The following RAVER2 variants were observed in gnomAD, a reference collection of about 807,000 sequenced individuals.
RAVER2 encodes the protein ribonucleoprotein PTB-binding 2.
RAVER2 carries 46 observed loss-of-function variants against 78.1 expected under a neutral mutation model. The ratio of observed to expected loss-of-function variants is 0.59; its 90% confidence interval spans 0.46 to 0.75. RAVER2 has a LOEUF of 0.75. Among genes scored for constraint, RAVER2 ranks in the 30% least tolerant of loss-of-function variants. The pLI is 0.00. For synonymous variants in RAVER2, 311 were observed against 313.3 expected, an observed-to-expected ratio of 0.99 and a Z score of 0.08; for missense variants, 793 against 837.5, an observed-to-expected ratio of 0.95 and a Z score of 0.66.
At chr1:64,788,523 G>T (rs982468505) in intron 4 of RAVER2, among the ~76,000 whole-genome samples, 1 of 149,992 alleles carries the variant, frequency 6.7e-6, no homozygotes, top group African/African-American at 2.5e-5. Context: ...GTCAGTCGCG[G>T]TGGCTCACAC....
intron 7 of RAVER2, 50 bp downstream of exon 7, chr1:64,804,888 G>C: frequency 6.6e-7 from 1 of 1,504,854 alleles, no homozygotes; most frequent in Non-Finnish European, 9.2e-7. Context: ...TTCTTTTCTA[G>C]AATCAGGCTG....
intron 1 of RAVER2, among the ~76,000 whole-genome samples, chr1:64,754,961 C>T (rs979380565): frequency 6.6e-6 from 1 of 152,132 alleles, no homozygotes; most frequent in Non-Finnish European, 1.5e-5. Flanking sequence ...ATCAACCATG[C>T]GACTTCATGT....
At chr1:64,830,677 G>C (rs1654105242) in intron 11 of RAVER2, among the ~76,000 whole-genome samples, 162 bp from the exon 12 acceptor site, 1 of 152,202 alleles carries the variant, frequency 6.6e-6, no homozygotes, top group African/African-American at 2.4e-5. Context: ...AAATTTAAAA[G>C]TCTTATTTAA....
intron 1 of RAVER2, 148 bp from the exon 2 acceptor site, chr1:64,768,508 G>A: frequency 1.6e-6 from 1 of 609,424 alleles, no homozygotes; most frequent in Non-Finnish European, 2.9e-6. Flanking sequence ...TTTAATTTAA[G>A]TAAGTAATGG....
intron 5 of RAVER2, among the ~76,000 whole-genome samples, chr1:64,794,475 A>G (rs962841085): frequency 1.3e-5 from 2 of 150,288 alleles, no homozygotes; most frequent in Admixed American, 1.3e-4. Flanking sequence ...ATCAGTTTCT[A>G]GGGCTCCAGT....
At position 64,745,306 on chromosome 1, in the gene RAVER2, T is replaced by A; in HGVS notation, c.134T>A (p.Met45Lys). The change falls in exon 1 of 12, where the codon ATG (methionine) becomes AAG (lysine). Residue 45 changes from methionine to lysine, a missense_variant. Met to Lys is a moderately conservative substitution (Grantham distance 95). Transcript: ENST00000294428. This position sits in a 1 kb window ranked among gnomAD's most constrained non-coding sequence, Gnocchi z 4.3. ...GCGCACGAGGGCGCCCCGGACCCGA[T>A]GCCCGCCGCGCTGCACCCTGAGGAG... 6.6e-7 allele frequency: 1 copy of A among 1,505,604 alleles called. No individual in the cohort carries two copies. The highest frequency in any genetic ancestry group is 8.9e-7 in the Non-Finnish European group (1 of 1,125,134). The allele number at this position is 1,505,604 out of a possible 1,614,324, so 93.3% of individuals were successfully genotyped here.
intron 11 of RAVER2, among the ~76,000 whole-genome samples, chr1:64,828,530 A>G (rs886088109): frequency 4.6e-5 from 7 of 152,186 alleles, no homozygotes; most frequent in African/African-American, 1.7e-4. Flanking sequence ...CTTTCTTTCA[A>G]AATTTTAAAT....
At chr1:64,760,171 G>A (rs1651983099) in intron 1 of RAVER2, among the ~76,000 whole-genome samples, 1 of 151,968 alleles carries the variant, frequency 6.6e-6, no homozygotes, top group Non-Finnish European at 1.5e-5. Flanking sequence ...TTCAGTGGCT[G>A]GAGTCACATG....
At chr1:64,809,166 G>A (rs982753478) in intron 9 of RAVER2, among the ~76,000 whole-genome samples, 6 of 152,144 alleles carry the variant, frequency 3.9e-5, no homozygotes, top group Non-Finnish European at 4.4e-5. Context: ...GCAGATTTAG[G>A]TTTAATATAA....
intron 2 of RAVER2, among the ~76,000 whole-genome samples, chr1:64,775,351 C>T (rs75363075): frequency 0.037 from 5,627 of 152,282 alleles, 380 homozygotes; most frequent in East Asian, 0.31. Context: ...GGGGACACCA[C>T]ATTTGTAACT....
chr1:64,820,219 T>C (rs1051243855), intron 11 of RAVER2, among the ~76,000 whole-genome samples: 1 of 152,066 alleles, frequency 6.6e-6, no homozygotes, highest in Admixed American at 6.6e-5. Context: ...AGCTAAAATA[T>C]GAATAGTTTA....
intron 2 of RAVER2, among the ~76,000 whole-genome samples, chr1:64,769,636 A>G (rs1229749167): frequency 1.3e-5 from 2 of 152,052 alleles, no homozygotes; most frequent in African/African-American, 4.8e-5. Context: ...CAGAGCCAGC[A>G]TGTGATTTCC....
chr1:64,797,751 C>T (rs940444865), intron 5 of RAVER2, among the ~76,000 whole-genome samples: 2 of 151,982 alleles, frequency 1.3e-5, no homozygotes, highest in Non-Finnish European at 2.9e-5. Context: ...AAATTAATAT[C>T]ACCGTATCTA....
chr1:64,755,883 G>C (rs1651843834), intron 1 of RAVER2, among the ~76,000 whole-genome samples: 1 of 151,860 alleles, frequency 6.6e-6, no homozygotes, highest in Admixed American at 6.6e-5. Context: ...TTTTCCCCCT[G>C]AACTGTTGGA....
chr1:64,785,710 T>G (rs1652762315), intron 4 of RAVER2, among the ~76,000 whole-genome samples: 1 of 152,094 alleles, frequency 6.6e-6, no homozygotes, highest in Non-Finnish European at 1.5e-5. Flanking sequence ...TTATCAGAAC[T>G]TCTGTCTACT....
At chr1:64,804,656 T>G in intron 6 of RAVER2, 78 bp from the exon 7 acceptor site, 1 of 698,920 alleles carries the variant, frequency 1.4e-6, no homozygotes, top group South Asian at 1.9e-5. Flanking sequence ...GACTGGAGAA[T>G]TGAACTTCAA....
chr1:64,813,250 C>T (rs888851978), intron 10 of RAVER2, among the ~76,000 whole-genome samples: 11 of 152,164 alleles, frequency 7.2e-5, no homozygotes, highest in Non-Finnish European at 1.2e-4. Context: ...AAGAGAAAAT[C>T]ACAAATGTGA....
chr1:64,762,694 C>T (rs961639779), intron 1 of RAVER2, among the ~76,000 whole-genome samples: 3 of 152,120 alleles, frequency 2.0e-5, no homozygotes, highest in African/African-American at 7.2e-5. Context: ...AAAAATTGAA[C>T]CTTGACCCCT....
At chr1:64,811,365 T>C (rs1653601394) in intron 9 of RAVER2, among the ~76,000 whole-genome samples, 1 of 152,244 alleles carries the variant, frequency 6.6e-6, no homozygotes, top group South Asian at 2.1e-4. Context: ...CTCGTCATGC[T>C]TGCATATTTT....
Sources: allele counts gnomAD v4.1 joint callset (sites outside exome capture counted in the v4.1 genomes callset), GRCh38; gene constraint gnomAD v4.1.1; non-coding constraint Gnocchi (gnomAD v3.1); transcripts MANE v1.5; gene names NCBI Gene and HGNC (gene_info 2026-07-23, HGNC 2026-07-21).